ADCY8: variants seen among roughly 807,000 people sequenced by gnomAD.
The protein encoded by ADCY8 is adenylate cyclase 8, also known as adenylate cyclase type 8.
Under a neutral mutation model 119.7 loss-of-function variants are expected in ADCY8, and 51 were observed. That is an observed-to-expected ratio of 0.43 (90% confidence interval 0.34 to 0.54). ADCY8 has a LOEUF of 0.54. Ranked by LOEUF, ADCY8 falls within the 20% of genes least tolerant of loss-of-function variation. ADCY8 has a pLI of 0.03. For synonymous variants in ADCY8, 665 were observed against 651.0 expected (o/e 1.02, Z -0.33); for missense variants, 1,383 against 1,598.8 (o/e 0.87, Z 2.30).
At position 130,828,341 on chromosome 8, in the gene ADCY8, C is replaced by A. The variant is rs555729063; in HGVS notation, c.2676-6921G>T. Among the ~76,000 whole-genome samples the A allele has an allele frequency of 2.5e-3, 384 of 152,338 alleles. 3 individuals are homozygous for A. Among genetic ancestry groups the A allele is most frequent in the African/African-American group, 8.7e-3 (361 of 41,578 alleles). The stretch of plus-strand genomic sequence containing the variant: ...TTTGAGGAACAGAGGGTCCCCCCCA[C>A]CCACAGTGAGTGTCTCTCTCTGCCC... On this transcript the variant is annotated intron_variant, in intron 12 of 17. Coordinates refer to ENST00000286355, the MANE Select transcript of ADCY8 (RefSeq NM_001115.3).
intron 2 of ADCY8, among the ~76,000 whole-genome samples, chr8:130,969,671 A>C (rs1821865626): frequency 6.6e-6 from 1 of 152,216 alleles, no homozygotes; most frequent in Admixed American, 6.5e-5. Context: ...CAGAGTCTTC[A>C]GGTCAGTCAC....
intron 7 of ADCY8, among the ~76,000 whole-genome samples, chr8:130,893,834 G>C (rs1819289563): frequency 6.7e-6 from 1 of 149,452 alleles, no homozygotes; most frequent in African/African-American, 2.5e-5. Flanking sequence ...GTTTGTGGGT[G>C]TGCATGTTTG....
chr8:130,879,843 A>T (rs2130442475), intron 8 of ADCY8, among the ~76,000 whole-genome samples: 1 of 152,282 alleles, frequency 6.6e-6, no homozygotes, highest in African/African-American at 2.4e-5. Context: ...GTCTATTTTT[A>T]TAAAAATTTT....
At chr8:130,853,648 C>T (rs548667448) in intron 9 of ADCY8, among the ~76,000 whole-genome samples, 42 of 150,038 alleles carry the variant, frequency 2.8e-4, no homozygotes, top group Middle Eastern at 3.4e-3. Flanking sequence ...GGGAGTTCAT[C>T]AGGGTATCTA....
At chr8:130,953,778 C>T (rs1821344368) in intron 2 of ADCY8, among the ~76,000 whole-genome samples, 1 of 152,206 alleles carries the variant, frequency 6.6e-6, no homozygotes, top group African/African-American at 2.4e-5. Context: ...CCTCTCACCT[C>T]TACTTCACTC....
intron 14 of ADCY8, among the ~76,000 whole-genome samples, chr8:130,810,482 G>A (rs1263809417): frequency 6.6e-6 from 1 of 152,092 alleles, no homozygotes; most frequent in Admixed American, 6.5e-5. Flanking sequence ...GACTCCCCTT[G>A]TGGCTTTGCA....
intron 11 of ADCY8, among the ~76,000 whole-genome samples, chr8:130,845,861 AAAG>A (rs1310627743): frequency 2.0e-5 from 3 of 152,170 alleles, no homozygotes; most frequent in South Asian, 2.1e-4. Flanking sequence ...GGAAGGATAG[AAAG>A]AAGAAGGGAG....
chr8:130,950,190 G>A (rs1821228623), intron 3 of ADCY8, among the ~76,000 whole-genome samples: 1 of 152,192 alleles, frequency 6.6e-6, no homozygotes, highest in South Asian at 2.1e-4. Flanking sequence ...CTCTATGTTT[G>A]GGAAAGTTTT....
chr8:130,797,756 C>G (rs1474717633), intron 15 of ADCY8, among the ~76,000 whole-genome samples: 1 of 152,178 alleles, frequency 6.6e-6, no homozygotes, highest in African/African-American at 2.4e-5. Context: ...TCATAGTCAC[C>G]CTGCCTCCCA....
At chr8:130,987,078 G>T (rs1822424675) in intron 2 of ADCY8, among the ~76,000 whole-genome samples, 1 of 152,188 alleles carries the variant, frequency 6.6e-6, no homozygotes, top group South Asian at 2.1e-4. Context: ...CAGAATGAAT[G>T]GGTGAATAGA....
chr8:130,786,101 T>C (rs114158123), intron 15 of ADCY8, among the ~76,000 whole-genome samples: 1 of 152,332 alleles, frequency 6.6e-6, no homozygotes, highest in African/African-American at 2.4e-5. Context: ...CCCACATACA[T>C]ATTCTTATCT....
At chr8:130,850,499 C>G (rs1361452192) in intron 9 of ADCY8, among the ~76,000 whole-genome samples, 1 of 152,114 alleles carries the variant, frequency 6.6e-6, no homozygotes, top group African/African-American at 2.4e-5. Flanking sequence ...CCCTATCAAC[C>G]TATTTATCAC....
rs181093812 is a variant in ADCY8 at position 130,898,501 on chromosome 8, A to G, written c.1911+5271T>C. 2.3e-3 allele frequency among the ~76,000 whole-genome samples: 353 copies of G among 151,932 alleles called. 1 individual carries two copies. The highest frequency in any genetic ancestry group is 6.3e-3 in the Admixed American group (96 of 15,270). On this transcript the variant is annotated intron_variant, in intron 7 of 17. Transcript: ENST00000286355. ...AAAATGCCTCAAATCAGTCTATTGC[A>G]TAGAAATGACTAAAACATACAGTGG... is the stretch of plus-strand genomic sequence containing the variant.
At chr8:130,955,223 A>G (rs951945127) in intron 2 of ADCY8, among the ~76,000 whole-genome samples, 1 of 152,224 alleles carries the variant, frequency 6.6e-6, no homozygotes, top group African/African-American at 2.4e-5. Context: ...ACTGTGGGCC[A>G]GGGACTGAGT....
chr8:130,809,428 C>T (rs1443409443), intron 14 of ADCY8, among the ~76,000 whole-genome samples: 2 of 152,190 alleles, frequency 1.3e-5, no homozygotes, highest in Non-Finnish European at 2.9e-5. Flanking sequence ...ACTTATGATA[C>T]CTTTGCTCTG....
intron 4 of ADCY8, among the ~76,000 whole-genome samples, chr8:130,941,362 C>T (rs1487104894): frequency 6.6e-6 from 1 of 152,174 alleles, no homozygotes; most frequent in African/African-American, 2.4e-5. Flanking sequence ...TGCGCAGTAC[C>T]TGAAAAAGTA....
rs923126187 is a variant in ADCY8 at position 130,919,250 on chromosome 8, A to G, written c.1482-9384T>C. Among the ~76,000 whole-genome samples the G allele has an allele frequency of 5.3e-5, 8 of 151,976 alleles. No homozygotes were observed. In the Middle Eastern group the frequency reaches 0.01, roughly 194 times the overall value. ...TTAACAGTTACAGGCTCATGTGGAG[A>G]GTGTGGGGAGTCCTGGCCAAAGATT... On this transcript the variant is annotated intron_variant, in intron 5 of 17. Coordinates refer to ENST00000286355, the MANE Select transcript of ADCY8 (RefSeq NM_001115.3).
At chr8:131,015,652 T>C (rs896002268) in intron 1 of ADCY8, among the ~76,000 whole-genome samples, 3 of 152,214 alleles carry the variant, frequency 2.0e-5, no homozygotes, top group East Asian at 1.9e-4. Context: ...CTAAAAATAG[T>C]AGTTAAATGT....
At chr8:130,932,779 C>G (rs1229976202) in intron 5 of ADCY8, among the ~76,000 whole-genome samples, 1 of 152,124 alleles carries the variant, frequency 6.6e-6, no homozygotes, top group Non-Finnish European at 1.5e-5. Flanking sequence ...TGAAACCTGC[C>G]AATGCACTAA....
Sources: gnomAD v4.1 joint callset for allele counts (sites outside exome capture counted in the v4.1 genomes callset) on GRCh38, gnomAD v4.1.1 for gene constraint, MANE v1.5 for transcripts, NCBI Gene and HGNC (gene_info 2026-07-23, HGNC 2026-07-21) for gene names.